ZNF536: variants seen among roughly 807,000 people sequenced by gnomAD.
The protein encoded by ZNF536 is zinc finger protein 536.
ZNF536 carries 13 observed loss-of-function variants against 84.5 expected under a neutral mutation model. The ratio of observed to expected loss-of-function variants is 0.15; its 90% confidence interval spans 0.10 to 0.24. The LOEUF (loss-of-function observed/expected upper bound fraction) is 0.24. ZNF536 is among the 10% of genes least tolerant of loss of function. The pLI, the probability that ZNF536 is intolerant of heterozygous loss-of-function variation, is 1.00. For synonymous variants in ZNF536, 811 were observed against 742.5 expected (o/e 1.09, Z -1.50); for missense variants, 1,536 against 1,747.5 (o/e 0.88, Z 2.16).
chr19:30,706,420 G>A (rs1364791259), intron 1 of ZNF536, among the ~76,000 whole-genome samples: 1 of 151,092 alleles, frequency 6.6e-6, no homozygotes, highest in East Asian at 1.9e-4. Context: ...CCGGGAGGCA[G>A]AGCTTGTAGT....
chr19:30,466,378 C>CAA lies in ZNF536; in HGVS notation c.2170+20658_2170+20659dup, dbSNP rs71173905. On this transcript the variant is annotated intron_variant, in intron 2 of 4. Transcript: ENST00000355537. ...GCAACAAAGCGAAACTCCATTGCTG[C>CAA]AAAAAAAAAAAAACCCAAACCAAAC... 1.8e-3 allele frequency among the ~76,000 whole-genome samples: 249 copies of CAA among 136,162 alleles called. 1 individual carries two copies. The highest frequency in any genetic ancestry group is 6.0e-3 in the African/African-American group (232 of 38,556). The allele number at this position is 136,162 out of a possible 152,430, so 89.3% of individuals were successfully genotyped here.
chr19:30,459,920 G>A (rs1775658663), intron 2 of ZNF536, among the ~76,000 whole-genome samples: 1 of 152,166 alleles, frequency 6.6e-6, no homozygotes, highest in South Asian at 2.1e-4. Flanking sequence ...AATTCAAACT[G>A]ACTTTAACTA....
intron 1 of ZNF536, among the ~76,000 whole-genome samples, chr19:30,431,201 C>T (rs1016502677): frequency 6.6e-6 from 1 of 152,186 alleles, no homozygotes; most frequent in African/African-American, 2.4e-5. Context: ...CCCCCAGAAC[C>T]TGCGTTGAGG....
chr19:30,393,244 G>T (rs2049674657), intron 1 of ZNF536, among the ~76,000 whole-genome samples: 1 of 152,132 alleles, frequency 6.6e-6, no homozygotes. Context: ...GGGCGGGGGA[G>T]AGGAAATGAG....
chr19:30,367,203 T>C (rs971505489), intron 3 of ZNF536, among the ~76,000 whole-genome samples: 1 of 152,140 alleles, frequency 6.6e-6, no homozygotes, highest in African/African-American at 2.4e-5. Flanking sequence ...CTGGGGTGCT[T>C]GGGACGTTCC....
At chr19:30,327,389 C>T (rs1204250269) in intron 2 of ZNF536, among the ~76,000 whole-genome samples, 1 of 152,180 alleles carries the variant, frequency 6.6e-6, no homozygotes, top group African/African-American at 2.4e-5. Flanking sequence ...AGAATCCAGG[C>T]TCTTCTCTGT....
intron 1 of ZNF536, among the ~76,000 whole-genome samples, chr19:30,620,190 T>A: frequency 6.6e-6 from 1 of 152,066 alleles, no homozygotes; most frequent in African/African-American, 2.4e-5. Flanking sequence ...GGAGAGCAAA[T>A]GCCTGGCCTC....
chr19:30,435,604 G>A (rs928764739), intron 1 of ZNF536, among the ~76,000 whole-genome samples: 21 of 152,068 alleles, frequency 1.4e-4, no homozygotes, highest in Non-Finnish European at 2.6e-4. Flanking sequence ...GGTGATGATG[G>A]TGATGCTCTT....
chr19:30,683,172 G>A (rs1243211518), intron 1 of ZNF536, among the ~76,000 whole-genome samples: 1 of 152,114 alleles, frequency 6.6e-6, no homozygotes, highest in Non-Finnish European at 1.5e-5. Context: ...TTATGGCTGC[G>A]AGGCAGGGTT....
chr19:30,314,874 C>T (rs774482234), intron 2 of ZNF536, among the ~76,000 whole-genome samples: 4 of 152,156 alleles, frequency 2.6e-5, no homozygotes, highest in African/African-American at 4.8e-5. Flanking sequence ...GGTTCCTGAG[C>T]TCCTGCAGGG....
intron 3 of ZNF536, among the ~76,000 whole-genome samples, chr19:30,356,937 C>CA (rs1330344897): frequency 6.6e-6 from 1 of 152,220 alleles, no homozygotes; most frequent in Non-Finnish European, 1.5e-5. Context: ...CTTCCTGCCT[C>CA]AAACCTGGTG....
chr19:30,441,040 G>A (rs1316677006), intron 1 of ZNF536, among the ~76,000 whole-genome samples: 1 of 152,206 alleles, frequency 6.6e-6, no homozygotes, highest in African/African-American at 2.4e-5. Context: ...ATGAATGGTG[G>A]TGGTGTTGGG....
intron 1 of ZNF536, among the ~76,000 whole-genome samples, chr19:30,569,375 G>T (rs868635302): frequency 2.0e-4 from 30 of 151,768 alleles, no homozygotes; most frequent in Middle Eastern, 6.8e-3. Context: ...GGAGGTGTTT[G>T]GTTTCTCTCT....
chr19:30,460,374 C>T (rs926203096), intron 2 of ZNF536, among the ~76,000 whole-genome samples: 1 of 152,152 alleles, frequency 6.6e-6, no homozygotes, highest in Admixed American at 6.5e-5. Flanking sequence ...TGTCACCGCT[C>T]CGAGGTTCTT....
chr19:30,661,046 A>G (rs2050104713), intron 1 of ZNF536, among the ~76,000 whole-genome samples: 1 of 152,236 alleles, frequency 6.6e-6, no homozygotes, highest in African/African-American at 2.4e-5. Flanking sequence ...AGGCCACCCG[A>G]TGATTCCGTG....
At chr19:30,522,252 G>GATATATATATACAT in intron 2 of ZNF536, among the ~76,000 whole-genome samples, 1 of 44,412 alleles carries the variant, frequency 2.3e-5, no homozygotes, top group African/African-American at 1.3e-4. Context: ...GGCAGAGCTG[G>GATATATATATACAT]ATATATATAC....
At chr19:30,639,409 G>A (rs1038040591) in intron 1 of ZNF536, among the ~76,000 whole-genome samples, 1 of 152,160 alleles carries the variant, frequency 6.6e-6, no homozygotes, top group Non-Finnish European at 1.5e-5. Context: ...TTTGTACTAA[G>A]TCTTGGAAAT....
At chr19:30,560,917 G>A (rs1452705877), downstream of ZNF536, among the ~76,000 whole-genome samples, 1 of 152,218 alleles carries the variant, frequency 6.6e-6, no homozygotes, top group Non-Finnish European at 1.5e-5. Context: ...AGCAAGGGAT[G>A]CGCATTTTCA....
chr19:30,517,518 A>C (rs2044131066), intron 2 of ZNF536, among the ~76,000 whole-genome samples: 1 of 152,198 alleles, frequency 6.6e-6, no homozygotes. Flanking sequence ...ACAGTTTCTC[A>C]GGAGAAGCTG....
Sources: gnomAD v4.1 joint callset for allele counts (sites outside exome capture counted in the v4.1 genomes callset) on GRCh38, gnomAD v4.1.1 for gene constraint, MANE v1.5 for transcripts, NCBI Gene and HGNC (gene_info 2026-07-23, HGNC 2026-07-21) for gene names.